Variants in LGR5 observed in about 807,000 individuals in gnomAD.
LGR5 encodes leucine-rich repeat-containing G protein-coupled receptor 5.
In LGR5, 54 loss-of-function variants were observed where a neutral mutation model predicts 76.7. The ratio of observed to expected loss-of-function variants is 0.70; its 90% CI spans 0.57 to 0.88. The LOEUF is 0.88. LGR5 is among the 40% of genes least tolerant of loss of function. The pLI is 0.00. For synonymous variants in LGR5, 406 were observed against 421.9 expected (o/e 0.96, Z 0.46); for missense variants, 1,078 against 1,073.3 (o/e 1.00, Z -0.06).
upstream of LGR5, among the ~76,000 whole-genome samples, chr12:71,439,587 G>A (rs992574667): frequency 6.6e-6 from 1 of 151,842 alleles, no homozygotes; most frequent in Admixed American, 6.6e-5. Context: ...CCAGGCGGAG[G>A]CTCAGTGGGA....
chr12:71,521,958 T>TC (rs1198406446), intron 2 of LGR5, among the ~76,000 whole-genome samples: 1 of 152,246 alleles, frequency 6.6e-6, no homozygotes, highest in Non-Finnish European at 1.5e-5. Flanking sequence ...AACTGAGCTG[T>TC]CCAAATGCTT....
chr12:71,464,672 G>A (rs1450487385), intron 1 of LGR5, among the ~76,000 whole-genome samples: 1 of 152,128 alleles, frequency 6.6e-6, no homozygotes, highest in Non-Finnish European at 1.5e-5. Flanking sequence ...CTATATTAAG[G>A]AGAGTTTCAA....
At chr12:71,480,563 T>C (rs1053741213) in intron 1 of LGR5, among the ~76,000 whole-genome samples, 1 of 152,038 alleles carries the variant, frequency 6.6e-6, no homozygotes, top group Non-Finnish European at 1.5e-5. Flanking sequence ...AGATCCCTTC[T>C]CTTGAAGAAA....
intron 1 of LGR5, among the ~76,000 whole-genome samples, chr12:71,454,265 T>G (rs576030993): frequency 6.6e-5 from 10 of 152,136 alleles, no homozygotes; most frequent in Non-Finnish European, 1.2e-4. Context: ...ATTCTGGAAT[T>G]CCCGAGTGCC....
chr12:71,478,565 A>C (rs1276479799), intron 1 of LGR5, among the ~76,000 whole-genome samples: 1 of 152,208 alleles, frequency 6.6e-6, no homozygotes, highest in Non-Finnish European at 1.5e-5. Flanking sequence ...AATAAGTCCC[A>C]GATTGAAGTA....
chr12:71,475,456 G>A (rs1873287503), intron 1 of LGR5, among the ~76,000 whole-genome samples: 1 of 152,120 alleles, frequency 6.6e-6, no homozygotes, highest in South Asian at 2.1e-4. Flanking sequence ...CGTGACATAT[G>A]AGGCCAGCTT....
chr12:71,483,105 C>A (rs1039697028), intron 1 of LGR5, among the ~76,000 whole-genome samples: 1 of 152,022 alleles, frequency 6.6e-6, no homozygotes, highest in African/African-American at 2.4e-5. Context: ...AAGGAACCAC[C>A]ATATAAAATA....
At chr12:71,541,447 C>T (rs989536605) in intron 4 of LGR5, among the ~76,000 whole-genome samples, 1 of 152,104 alleles carries the variant, frequency 6.6e-6, no homozygotes, top group African/African-American at 2.4e-5. Flanking sequence ...TGAAGGTTAA[C>T]TTTGGAAAGT....
intron 1 of LGR5, among the ~76,000 whole-genome samples, chr12:71,476,312 A>G (rs1873334065): frequency 6.6e-6 from 1 of 152,218 alleles, no homozygotes; most frequent in African/African-American, 2.4e-5. Context: ...AGTTAAGGAC[A>G]TGTTCTTCAT....
At chr12:71,567,298 A>C (rs973639763) in intron 11 of LGR5, 1 of 228,384 alleles carries the variant, frequency 4.4e-6, no homozygotes, top group Non-Finnish European at 8.8e-6. Flanking sequence ...TCTCAGATCC[A>C]CACAATCCTT....
At chr12:71,524,531 G>A (rs1035718556) in intron 3 of LGR5, 54 bp downstream of exon 3, 24 of 1,250,716 alleles carry the variant, frequency 1.9e-5, no homozygotes, top group Non-Finnish European at 2.8e-5. Flanking sequence ...TCAAATGGCT[G>A]CTAATTAACT....
chr12:71,549,870 TACTC>T (rs1169383422), intron 4 of LGR5, among the ~76,000 whole-genome samples: 6 of 151,920 alleles, frequency 3.9e-5, no homozygotes, highest in Non-Finnish European at 7.3e-5. Flanking sequence ...TCTCCTGTCT[TACTC>T]ATTTCATTTC....
intron 1 of LGR5, among the ~76,000 whole-genome samples, chr12:71,486,207 G>C (rs1318246778): frequency 3.3e-5 from 5 of 152,092 alleles, no homozygotes; most frequent in African/African-American, 4.8e-5. Flanking sequence ...ATAGCATACT[G>C]TTACTCTCAG....
intron 1 of LGR5, among the ~76,000 whole-genome samples, chr12:71,466,415 A>G (rs1872865953): frequency 6.6e-6 from 1 of 152,192 alleles, no homozygotes; most frequent in African/African-American, 2.4e-5. Flanking sequence ...TGCTTGGTAA[A>G]ATATTAGATG....
At chr12:71,445,823 A>G (rs984914936) in intron 1 of LGR5, among the ~76,000 whole-genome samples, 1 of 152,234 alleles carries the variant, frequency 6.6e-6, no homozygotes, top group Non-Finnish European at 1.5e-5. Context: ...GATGTTTCAT[A>G]AGCAGAAGTG....
At chr12:71,525,932 T>A (rs556730311) in intron 3 of LGR5, among the ~76,000 whole-genome samples, 6 of 151,884 alleles carry the variant, frequency 4.0e-5, no homozygotes, top group African/African-American at 1.4e-4. Context: ...TATTAATAGT[T>A]ATACCATTAT....
chr12:71,519,701 C>CTGTA (rs1273914122), intron 2 of LGR5, among the ~76,000 whole-genome samples: 1 of 151,922 alleles, frequency 6.6e-6, no homozygotes, highest in East Asian at 1.9e-4. Context: ...TGTCATGTGC[C>CTGTA]TGTAGTCCCA....
chr12:71,562,073 A>G (rs1055850013), intron 8 of LGR5, among the ~76,000 whole-genome samples: 1 of 152,162 alleles, frequency 6.6e-6, no homozygotes, highest in Non-Finnish European at 1.5e-5. Context: ...GTATCTCCAG[A>G]TGTGCTAGGT....
chr12:71,514,364 C>T (rs1285370873), intron 2 of LGR5, among the ~76,000 whole-genome samples: 4 of 151,926 alleles, frequency 2.6e-5, no homozygotes, highest in East Asian at 3.9e-4. Flanking sequence ...GTCAGGAGAT[C>T]GAGACCATCC....
Sources: allele counts gnomAD v4.1 joint callset (sites outside exome capture counted in the v4.1 genomes callset), GRCh38; gene constraint gnomAD v4.1.1; transcripts MANE v1.5; gene names NCBI Gene and HGNC (gene_info 2026-07-23, HGNC 2026-07-21).